OPCML: variants seen among roughly 807,000 people sequenced by gnomAD.
OPCML encodes opioid binding protein/cell adhesion molecule like, also known as opioid-binding protein/cell adhesion molecule.
A neutral mutation model predicts 37.8 loss-of-function variants in OPCML; 13 were observed. The ratio of observed to expected loss-of-function variants is 0.34; its 90% CI spans 0.22 to 0.55. The LOEUF (loss-of-function observed/expected upper bound fraction) is 0.55, where lower values mean the gene tolerates loss of function less well. Among genes scored for constraint, OPCML ranks in the 20% least tolerant of loss-of-function variants. OPCML has a pLI of 0.91. For synonymous variants in OPCML, 176 were observed against 168.8 expected, an observed-to-expected ratio of 1.04 and a Z score of -0.33; for missense variants, 341 against 435.6, an observed-to-expected ratio of 0.78 and a Z score of 1.93.
chr11:133,105,465 G>T (rs1385007011), intron 1 of OPCML, among the ~76,000 whole-genome samples: 1 of 152,178 alleles, frequency 6.6e-6, no homozygotes, highest in Admixed American at 6.5e-5. Context: ...TAGTGCCAGT[G>T]GGCAGATGAA....
At chr11:132,562,304 A>G (rs1363347820) in intron 3 of OPCML, among the ~76,000 whole-genome samples, 1 of 152,058 alleles carries the variant, frequency 6.6e-6, no homozygotes, top group Non-Finnish European at 1.5e-5. Flanking sequence ...CCTGTAAAGC[A>G]CTATTTGGAA....
intron 1 of OPCML, among the ~76,000 whole-genome samples, chr11:133,133,989 T>A (rs1949643863): frequency 6.6e-6 from 1 of 152,248 alleles, no homozygotes; most frequent in South Asian, 2.1e-4. Context: ...TGAATACGCA[T>A]ACACAGAATA....
intron 2 of OPCML, among the ~76,000 whole-genome samples, chr11:132,674,677 C>A (rs1942624008): frequency 6.6e-6 from 1 of 152,120 alleles, no homozygotes; most frequent in African/African-American, 2.4e-5. Context: ...CATAATACTT[C>A]TGAGTACAAT....
intron 2 of OPCML, among the ~76,000 whole-genome samples, chr11:132,858,887 T>G (rs1043982556): frequency 4.6e-5 from 7 of 152,178 alleles, no homozygotes; most frequent in Non-Finnish European, 1.5e-5. Context: ...GCAGCAGAAA[T>G]GCAAAAGATC....
chr11:132,624,269 C>T (rs1233700329), intron 3 of OPCML, among the ~76,000 whole-genome samples: 1 of 152,134 alleles, frequency 6.6e-6, no homozygotes, highest in Non-Finnish European at 1.5e-5. Flanking sequence ...AGAGGTAGAA[C>T]AAGTTTGTAT....
At chr11:133,126,731 A>G (rs1422915723) in intron 1 of OPCML, among the ~76,000 whole-genome samples, 2 of 152,154 alleles carry the variant, frequency 1.3e-5, no homozygotes, top group Non-Finnish European at 2.9e-5. Flanking sequence ...GAGAACAATG[A>G]AGTGATTGAG....
chr11:133,419,173 G>T, intron 1 of OPCML: 1 of 851,590 alleles, frequency 1.2e-6, no homozygotes. Context: ...CAATAGCACA[G>T]TCTCAGTAAG....
Position 132,943,976 on chromosome 11 carries a change from C to T in OPCML, c.62-966G>A, listed in dbSNP as rs1049569392. Among the ~76,000 whole-genome samples the T allele has an allele frequency of 2.6e-5, 4 of 151,886 alleles. No homozygotes were observed. Among genetic ancestry groups the T allele is most frequent in the South Asian group, 4.1e-4 (2 of 4,838 alleles). On this transcript the variant is annotated intron_variant, in intron 1 of 7. Coordinates refer to ENST00000524381, the MANE Select transcript of OPCML (RefSeq NM_001012393.5). The surrounding 1 kb of genome is among the most constrained non-coding windows in gnomAD (Gnocchi z 4.3). ...GCTCCATCCCTGACCGCCACTTTCT[C>T]CCGGTGCCGCCTCGGAGCGAGCGGG...
intron 1 of OPCML, among the ~76,000 whole-genome samples, chr11:133,440,819 TATATATATATAAATC>T (rs1231874433): frequency 1.4e-5 from 2 of 146,934 alleles, no homozygotes; most frequent in East Asian, 2.0e-4. Flanking sequence ...TATGTGTATA[TATATATATATAAATC>T]ATATATATAT....
chr11:133,238,259 C>T (rs1261124634), intron 1 of OPCML, among the ~76,000 whole-genome samples: 4 of 152,126 alleles, frequency 2.6e-5, no homozygotes, highest in Non-Finnish European at 5.9e-5. Context: ...GTATACAGAG[C>T]CACTCTCCAT....
chr11:133,415,283 G>A (rs979174879), intron 1 of OPCML, among the ~76,000 whole-genome samples: 7 of 151,300 alleles, frequency 4.6e-5, no homozygotes, highest in Non-Finnish European at 8.8e-5. Flanking sequence ...GGTGGCGGGC[G>A]CCTGTAGTCC....
intron 2 of OPCML, among the ~76,000 whole-genome samples, chr11:132,684,413 CT>C (rs1456004458): frequency 6.6e-6 from 1 of 152,038 alleles, no homozygotes; most frequent in East Asian, 1.9e-4. Flanking sequence ...TGCTTCACCC[CT>C]AATTCATATT....
rs536402104 is a variant in OPCML at position 132,416,319 on chromosome 11, A to C, written c.*3874T>G. ...CACCACCAGATCTTACCTCATCTTA[A>C]GCCATTCCTCCCCTCCTACCATGGG... On this transcript the variant is annotated 3_prime_UTR_variant, in exon 8 of 8. Coordinates refer to ENST00000524381, the MANE Select transcript of OPCML (RefSeq NM_001012393.5). 2 of 152,304 alleles carry C rather than the reference A, an allele frequency of 1.3e-5. No individual in the cohort carries two copies. Among genetic ancestry groups the C allele is most frequent in the East Asian group, 3.9e-4 (2 of 5,172 alleles). The allele number at this position is 152,304 out of a possible 1,614,324, so 9.4% of individuals were successfully genotyped here. A position where few individuals can be genotyped will look rare whatever the true frequency, so the allele number is the denominator to read the frequency against.
intron 1 of OPCML, among the ~76,000 whole-genome samples, chr11:133,223,987 G>A (rs963557059): frequency 6.6e-6 from 1 of 152,198 alleles, no homozygotes; most frequent in Non-Finnish European, 1.5e-5. Context: ...TTTGGCCCGA[G>A]TGTATTTGGG....
intron 2 of OPCML, among the ~76,000 whole-genome samples, chr11:132,740,553 C>A (rs1945403801): frequency 6.6e-6 from 1 of 152,036 alleles, no homozygotes; most frequent in Non-Finnish European, 1.5e-5. Context: ...TCTGGGGAGC[C>A]CTCTCAGTAT....
At chr11:132,881,780 C>A (rs1442704523) in intron 2 of OPCML, among the ~76,000 whole-genome samples, 1 of 152,164 alleles carries the variant, frequency 6.6e-6, no homozygotes, top group African/African-American at 2.4e-5. Flanking sequence ...ACTGTGACTG[C>A]GCAGTTGCTT....
chr11:133,460,372 C>G (rs190640250), intron 1 of OPCML, among the ~76,000 whole-genome samples: 181 of 151,658 alleles, frequency 1.2e-3, no homozygotes, highest in African/African-American at 4.1e-3. Context: ...AGATTAAAGA[C>G]AAATACAAAT....
At chr11:133,512,235 G>T (rs949767965) in intron 1 of OPCML, among the ~76,000 whole-genome samples, 3 of 152,198 alleles carry the variant, frequency 2.0e-5, no homozygotes, top group Non-Finnish European at 4.4e-5. Flanking sequence ...TTTGATTAGC[G>T]TTCTAGATTC....
At chr11:133,189,305 AG>A (rs575055591) in intron 1 of OPCML, among the ~76,000 whole-genome samples, 40 of 152,354 alleles carry the variant, frequency 2.6e-4, no homozygotes, top group African/African-American at 9.6e-4. Flanking sequence ...TTGACCTTAA[AG>A]GCTATCTGTC....
Sources: allele counts gnomAD v4.1 joint callset (sites outside exome capture counted in the v4.1 genomes callset), GRCh38; gene constraint gnomAD v4.1.1; non-coding constraint Gnocchi (gnomAD v3.1); transcripts MANE v1.5; gene names NCBI Gene and HGNC (gene_info 2026-07-23, HGNC 2026-07-21).